LUC7L: variants seen among roughly 807,000 people sequenced by gnomAD.
LUC7L encodes the protein putative RNA-binding protein Luc7-like 1.
LUC7L carries 29 observed loss-of-function variants against 51.1 expected under a neutral mutation model. That is an observed-to-expected ratio of 0.57 (90% CI 0.42 to 0.77). LUC7L has a LOEUF of 0.77. Among genes scored for constraint, LUC7L ranks in the 30% least tolerant of loss-of-function variants. LUC7L has a pLI of 0.00. For missense variants in LUC7L, 403 were observed against 511.9 expected, an observed-to-expected ratio of 0.79 and a Z score of 2.05; for synonymous variants, 181 against 180.7, an observed-to-expected ratio of 1.00 and a Z score of -0.01.
At chr16:213,100 T>C (rs148658608) in intron 3 of LUC7L, among the ~76,000 whole-genome samples, 11 of 152,250 alleles carry the variant, frequency 7.2e-5, no homozygotes, top group Non-Finnish European at 1.2e-4. Flanking sequence ...ATGATTAATA[T>C]TGCTGTTTGA....
intron 6 of LUC7L, among the ~76,000 whole-genome samples, chr16:195,290 C>T (rs1385865078): frequency 6.6e-6 from 1 of 151,888 alleles, no homozygotes; most frequent in Non-Finnish European, 1.5e-5. Context: ...TATGGTGGTG[C>T]ATGCCTGTAG....
At position 189,956 on chromosome 16, in the gene LUC7L, C is replaced by CA; in HGVS notation, c.974+11dup. On this transcript the variant is annotated intron_variant, in intron 9 of 9. Transcript: ENST00000293872. ...TCCTGGTTGCAGCTACCGAAGGAGT[C>CA]AGAGTAGTTACTTGTATTTCGCACT... is the stretch of plus-strand genomic sequence containing the variant. The CA allele has an allele frequency of 6.2e-7, 1 of 1,606,060 alleles. No homozygotes were observed. Among genetic ancestry groups the CA allele is most frequent in the Non-Finnish European group, 8.5e-7 (1 of 1,174,080 alleles).
chr16:222,748 A>G (rs1197138123), intron 2 of LUC7L, among the ~76,000 whole-genome samples: 1 of 150,752 alleles, frequency 6.6e-6, no homozygotes, highest in African/African-American at 2.4e-5. Flanking sequence ...CTCCTGCCTC[A>G]GCCTCCCAAG....
rs892784410 is a variant in LUC7L at position 206,065 on chromosome 16, T to C, written c.449A>G (p.Asp150Gly). 1.1e-5 allele frequency: 18 copies of C among 1,613,866 alleles called. No homozygotes were observed. Among genetic ancestry groups the C allele is most frequent in the Non-Finnish European group, 1.4e-5 (17 of 1,179,952 alleles). ...AEQLGAEGNV[D>G]ESQKILMEVE... ...TTCCATAAGAATCTTCTGGGATTCATCCACATTACCTTCAGCCCCTAGCTG... is the reference window on the plus strand; with the variant it reads ...TTCCATAAGAATCTTCTGGGATTCACCCACATTACCTTCAGCCCCTAGCTG... Residue 150 changes from aspartate (D) to glycine (G), a missense_variant, in exon 5 of 10, where the codon GAT becomes GGT. This residue lies in a region of LUC7L where 182 missense variants were observed against 248.4 expected (regional missense o/e 0.73). Transcript: ENST00000293872.
intron 7 of LUC7L, 178 bp from the exon 8 acceptor site, chr16:190,748 C>G (rs890429905): frequency 8.3e-6 from 5 of 601,910 alleles, no homozygotes; most frequent in Non-Finnish European, 1.5e-5. Flanking sequence ...GGCGTGGTGG[C>G]GGGTGCCTGT....
chr16:200,678 T>C (rs193265154), intron 5 of LUC7L, among the ~76,000 whole-genome samples: 12 of 152,086 alleles, frequency 7.9e-5, no homozygotes, highest in Admixed American at 4.6e-4. Context: ...CCCCAGGAGA[T>C]TGAGATCACC....
At chr16:220,114 C>T (rs1205225604) in intron 3 of LUC7L, 3 of 152,216 alleles carry the variant, frequency 2.0e-5, no homozygotes, top group Admixed American at 6.6e-5. Flanking sequence ...TCCTATAAAC[C>T]AGCAATCCCT....
chr16:229,412 A>G lies in LUC7L; in HGVS notation c.-73T>C. On this transcript the variant is annotated 5_prime_UTR_variant, in exon 1 of 10. Transcript: ENST00000293872. ...CAGGCGGTGGCAGCGGCGTCGACAA[A>G]CGATGGTCGCGTCGGCCTCGAGCCC... 1 of 1,332,706 alleles carries G rather than the reference A, an allele frequency of 7.5e-7. No individual in the cohort carries two copies. Among genetic ancestry groups the G allele is most frequent in the Non-Finnish European group, 9.9e-7 (1 of 1,007,640 alleles). 82.6% of individuals were successfully genotyped at this position (1,332,706 alleles called of 1,614,324 possible). A position where few individuals can be genotyped will look rare whatever the true frequency, so the allele number is the denominator to read the frequency against.
intron 6 of LUC7L, among the ~76,000 whole-genome samples, chr16:197,463 G>A (rs958276398): frequency 2.0e-5 from 3 of 152,014 alleles, no homozygotes; most frequent in Non-Finnish European, 4.4e-5. Flanking sequence ...CACCTGCCTC[G>A]GCCTCCCGAA....
rs2050177282 is a variant in LUC7L at position 228,205 on chromosome 16, G to T, written c.62-869C>A. 2.9e-5 allele frequency: 37 copies of T among 1,278,350 alleles called. No individual in the cohort carries two copies. The South Asian group carries it at 4.5e-4, about 16-fold the overall frequency. 79.2% of individuals were successfully genotyped at this position (1,278,350 alleles called of 1,614,324 possible). A position where few individuals can be genotyped will look rare whatever the true frequency, so the allele number is the denominator to read the frequency against. On this transcript the variant is annotated intron_variant, in intron 1 of 9. Transcript: ENST00000293872. ...GAGGAATATATTTTAGGATTTGCAA[G>T]CATCCAGGATTAATGTAGTGTCTTT... is the stretch of plus-strand genomic sequence containing the variant.
chr16:194,348 C>T (rs1453354200), intron 6 of LUC7L, among the ~76,000 whole-genome samples: 4 of 152,082 alleles, frequency 2.6e-5, no homozygotes, highest in Non-Finnish European at 5.9e-5. Flanking sequence ...CTCAAGCAAT[C>T]CTCCTGCCTT....
At chr16:223,455 G>A (rs997124193) in intron 2 of LUC7L, among the ~76,000 whole-genome samples, 3 of 152,106 alleles carry the variant, frequency 2.0e-5, no homozygotes, top group African/African-American at 4.8e-5. Context: ...ACATGGAGGC[G>A]GCAGACAACG....
At chr16:209,809 G>T in intron 3 of LUC7L, 1 of 152,178 alleles carries the variant, frequency 6.6e-6, no homozygotes. Context: ...CACTGGAGAA[G>T]ATTGTGATCT....
intron 9 of LUC7L, 32 bp from the exon 10 acceptor site, chr16:189,371 G>C: frequency 6.3e-7 from 1 of 1,586,282 alleles, no homozygotes; most frequent in Non-Finnish European, 8.6e-7. Flanking sequence ...CTCAGTGGAG[G>C]CTGCTGCCCC....
intron 2 of LUC7L, among the ~76,000 whole-genome samples, chr16:222,966 A>T (rs549639858): frequency 3.3e-5 from 5 of 151,460 alleles, no homozygotes. Context: ...AAAAAAAAAA[A>T]AAAAGAAAGG....
At chr16:227,630 A>G in intron 1 of LUC7L, 2 of 1,192,686 alleles carry the variant, frequency 1.7e-6, no homozygotes, top group Non-Finnish European at 2.1e-6. Context: ...TTGGCTCCAC[A>G]TATACATGTG....
chr16:229,422 C>T lies in LUC7L; in HGVS notation c.-83G>A. ...CAGCGGCGTCGACAAACGATGGTCG[C>T]GTCGGCCTCGAGCCCACTCGGCTCT... On this transcript the variant is annotated 5_prime_UTR_variant, in exon 1 of 10. Transcript: ENST00000293872. 7.8e-7 allele frequency: 1 copy of T among 1,274,626 alleles called. No homozygotes were observed. Among genetic ancestry groups the T allele is most frequent in the South Asian group, 1.6e-5 (1 of 64,502 alleles). The allele number at this position is 1,274,626 out of a possible 1,614,324, so 79.0% of individuals were successfully genotyped here.
intron 1 of LUC7L, chr16:229,015 G>A: frequency 6.9e-6 from 10 of 1,451,682 alleles, no homozygotes; most frequent in Non-Finnish European, 9.1e-6. Context: ...CGGGGAGGAA[G>A]TAGCAGGACG....
chr16:200,422 A>G (rs2049290920), intron 5 of LUC7L, among the ~76,000 whole-genome samples: 1 of 151,946 alleles, frequency 6.6e-6, no homozygotes, highest in African/African-American at 2.4e-5. Context: ...AAAAGAAAAA[A>G]AAAAAAAAAA....
Sources: allele counts gnomAD v4.1 joint callset (sites outside exome capture counted in the v4.1 genomes callset), GRCh38; gene constraint gnomAD v4.1.1; regional missense constraint gnomAD v4.1.1; transcripts MANE v1.5; gene names NCBI Gene and HGNC (gene_info 2026-07-23, HGNC 2026-07-21).